Variants in RALGAPA1 observed in about 807,000 individuals in gnomAD.
RALGAPA1 encodes the protein ral GTPase-activating protein subunit alpha-1.
A neutral mutation model predicts 269.6 loss-of-function variants in RALGAPA1; 52 were observed. That is an observed-to-expected ratio of 0.19 (90% CI 0.15 to 0.24). RALGAPA1 has a LOEUF of 0.24. RALGAPA1 is among the 10% of genes least tolerant of loss of function. RALGAPA1 has a pLI of 1.00. For synonymous variants in RALGAPA1, 817 were observed against 1,008.3 expected, an observed-to-expected ratio of 0.81 and a Z score of 3.60; for missense variants, 1,917 against 3,013.9, an observed-to-expected ratio of 0.64 and a Z score of 8.52.
intron 33 of RALGAPA1, among the ~76,000 whole-genome samples, chr14:35,633,690 T>G (rs1483892512): frequency 6.6e-6 from 1 of 152,200 alleles, no homozygotes; most frequent in Non-Finnish European, 1.5e-5. Flanking sequence ...TCCTATAAAA[T>G]ACTATTATCA....
chr14:35,659,124 A>G lies in RALGAPA1; in HGVS notation c.5387+14T>C. ...ACAAAATAGTTATACTCAGTCTAAG[A>G]ATATCCGACCTACCGTGCAGGACCA... On this transcript the variant is annotated intron_variant, in intron 28 of 41. Transcript: ENST00000680220. 1.3e-6 allele frequency: 2 copies of G among 1,590,524 alleles called. No homozygotes were observed. The highest frequency in any genetic ancestry group is 1.1e-5 in the South Asian group (1 of 88,218).
At chr14:35,542,120 G>A (rs1197483740) in intron 41 of RALGAPA1, 2 of 656,978 alleles carry the variant, frequency 3.0e-6, no homozygotes, top group South Asian at 1.7e-5. Context: ...AGTGTTCACT[G>A]TACTGTTGGC....
intron 36 of RALGAPA1, among the ~76,000 whole-genome samples, chr14:35,597,511 A>T (rs1386540691): frequency 1.3e-5 from 2 of 152,234 alleles, no homozygotes; most frequent in East Asian, 1.9e-4. Context: ...TAAATTAAAC[A>T]TCTGGAGAGT....
At chr14:35,791,904 CAAAAAAAAAAAA>C (rs773722682) in intron 1 of RALGAPA1, among the ~76,000 whole-genome samples, 3 of 11,774 alleles carry the variant, frequency 2.5e-4, no homozygotes, top group South Asian at 6.5e-3. Flanking sequence ...GACTCTGTCT[CAAAAAAAAAAAA>C]AAAAAAAAAA....
At chr14:35,754,593 T>A (rs2073012181) in intron 7 of RALGAPA1, among the ~76,000 whole-genome samples, 1 of 152,182 alleles carries the variant, frequency 6.6e-6, no homozygotes, top group South Asian at 2.1e-4. Context: ...GTGAAGCAAT[T>A]GTATAAGTCT....
intron 15 of RALGAPA1, 81 bp downstream of exon 15, chr14:35,722,946 C>A: frequency 1.4e-6 from 1 of 694,612 alleles, no homozygotes; most frequent in Non-Finnish European, 2.5e-6. Flanking sequence ...ATTTCACCCT[C>A]ACCCCTCTCC....
chr14:35,540,573 C>G (rs972397739), intron 41 of RALGAPA1, among the ~76,000 whole-genome samples: 1 of 152,014 alleles, frequency 6.6e-6, no homozygotes, highest in African/African-American at 2.4e-5. Context: ...TACTACAGAA[C>G]CTTGCACACT....
At chr14:35,681,404 A>T (rs1053524393) in intron 21 of RALGAPA1, among the ~76,000 whole-genome samples, 19 of 152,228 alleles carry the variant, frequency 1.2e-4, no homozygotes, top group African/African-American at 4.3e-4. Context: ...TAGGTTACAT[A>T]AATATTAAAA....
At chr14:35,566,911 CTAT>C (rs2139390874) in intron 39 of RALGAPA1, among the ~76,000 whole-genome samples, 1 of 146,862 alleles carries the variant, frequency 6.8e-6, no homozygotes, top group Non-Finnish European at 1.5e-5. Context: ...TATATTTGTA[CTAT>C]ATATATATGC....
At chr14:35,686,838 T>C (rs922839070) in intron 18 of RALGAPA1, among the ~76,000 whole-genome samples, 172 bp from the exon 19 acceptor site, 1 of 152,236 alleles carries the variant, frequency 6.6e-6, no homozygotes, top group Admixed American at 6.5e-5. Context: ...TAAATTGATA[T>C]TTACTTTATT....
intron 4 of RALGAPA1, chr14:35,765,776 G>A (rs1050502507): frequency 6.7e-6 from 3 of 445,842 alleles, no homozygotes; most frequent in East Asian, 4.6e-5. Flanking sequence ...GATTACAGGC[G>A]TGAGCCACTA....
At chr14:35,636,262 A>G (rs1161984889) in intron 31 of RALGAPA1, among the ~76,000 whole-genome samples, 1 of 152,206 alleles carries the variant, frequency 6.6e-6, no homozygotes, top group Non-Finnish European at 1.5e-5. Flanking sequence ...TTTATACAAA[A>G]TGTAGAATAC....
chr14:35,690,025 T>G, intron 17 of RALGAPA1, 22 bp from the exon 18 acceptor site: 3 of 1,476,444 alleles, frequency 2.0e-6, no homozygotes, highest in Non-Finnish European at 2.7e-6. Flanking sequence ...AAAAAAATTA[T>G]GTAGAGAAGA....
At chr14:35,545,660 TTATGAG>T (rs533191098) in intron 41 of RALGAPA1, among the ~76,000 whole-genome samples, 352 of 152,096 alleles carry the variant, frequency 2.3e-3, no homozygotes, top group Middle Eastern at 0.01. Flanking sequence ...CTCCAAAAAA[TTATGAG>T]TATATTTTTA....
chr14:35,619,401 G>T (rs1303760701), intron 35 of RALGAPA1, among the ~76,000 whole-genome samples: 1 of 152,084 alleles, frequency 6.6e-6, no homozygotes, highest in Non-Finnish European at 1.5e-5. Flanking sequence ...AAGCAGGAAA[G>T]ATCTAAAATC....
In RALGAPA1 at chr14:35,805,708, G is replaced by A. The variant is rs1252023535; in HGVS notation, c.106+3022C>T. On this transcript the variant is annotated intron_variant, in intron 1 of 41. Coordinates refer to ENST00000680220, the MANE Select transcript of RALGAPA1 (RefSeq NM_001346249.2). The stretch of plus-strand genomic sequence containing the variant: ...CTTTTTTTTTTTTTTTTCCTGAAAC[G>A]GAGTCTCGCTCTGTTGCCCAGGCTG... Among the ~76,000 whole-genome samples, 7 of 145,828 alleles carry A rather than the reference G, an allele frequency of 4.8e-5. No individual in the cohort carries two copies. The East Asian group carries it at 6.0e-4, about 12-fold the overall frequency.
At chr14:35,595,149 T>C (rs1246444459) in intron 37 of RALGAPA1, among the ~76,000 whole-genome samples, 1 of 148,008 alleles carries the variant, frequency 6.8e-6, no homozygotes, top group African/African-American at 2.5e-5. Context: ...TTACCAGGGG[T>C]GGAGTGGGGT....
At chr14:35,540,417 G>A (rs2053864118) in intron 41 of RALGAPA1, among the ~76,000 whole-genome samples, 1 of 152,166 alleles carries the variant, frequency 6.6e-6, no homozygotes, top group African/African-American at 2.4e-5. Context: ...TCAATCATAA[G>A]CAAGCAGGTA....
chr14:35,696,740 G>GT (rs879632378), intron 17 of RALGAPA1, among the ~76,000 whole-genome samples: 63 of 151,074 alleles, frequency 4.2e-4, no homozygotes, highest in South Asian at 1.3e-3. Flanking sequence ...TTTCATTGAG[G>GT]TTTTTTTTTG....
Sources: gnomAD v4.1 joint callset for allele counts (sites outside exome capture counted in the v4.1 genomes callset) on GRCh38, gnomAD v4.1.1 for gene constraint, MANE v1.5 for transcripts, NCBI Gene and HGNC (gene_info 2026-07-23, HGNC 2026-07-21) for gene names.